The following KCNMA1 variants were observed in gnomAD, a reference collection of about 807,000 sequenced individuals.
KCNMA1 encodes the protein potassium calcium-activated channel subfamily M alpha 1.
A neutral mutation model predicts 140.0 loss-of-function variants in KCNMA1; 29 were observed. The observed-to-expected ratio is 0.21, with a 90% CI of 0.15 to 0.28. The LOEUF is 0.28. Among genes scored for constraint, KCNMA1 ranks in the 10% least tolerant of loss-of-function variants. KCNMA1 has a pLI of 1.00. For synonymous variants in KCNMA1, 612 were observed against 611.9 expected, an observed-to-expected ratio of 1.00 and a Z score of 0.00; for missense variants, 880 against 1,602.2, an observed-to-expected ratio of 0.55 and a Z score of 7.70.
intron 29 of KCNMA1, among the ~76,000 whole-genome samples, chr10:76,879,322 C>A (rs2033573484): frequency 6.6e-6 from 1 of 152,090 alleles, no homozygotes; most frequent in Non-Finnish European, 1.5e-5. Context: ...AACTTGCTGC[C>A]TCTTGCCTCG....
At chr10:77,164,522 C>CTT (rs113418170) in intron 5 of KCNMA1, among the ~76,000 whole-genome samples, 26 of 147,044 alleles carry the variant, frequency 1.8e-4, no homozygotes, top group Non-Finnish European at 2.7e-4. Context: ...ATTGATCTTT[C>CTT]TTTTTTTTTT....
chr10:76,995,367 A>C, intron 19 of KCNMA1: 1 of 353,924 alleles, frequency 2.8e-6, no homozygotes, highest in Non-Finnish European at 5.8e-6. Context: ...AAGGCGCTGC[A>C]AACTCCACAC....
chr10:77,563,858 C>T (rs779044983), intron 1 of KCNMA1, among the ~76,000 whole-genome samples: 1 of 152,212 alleles, frequency 6.6e-6, no homozygotes, highest in Non-Finnish European at 1.5e-5. Flanking sequence ...TCCCTGGTCC[C>T]GGCTCTGCCA....
At chr10:77,237,306 C>T (rs2055850241) in intron 3 of KCNMA1, among the ~76,000 whole-genome samples, 1 of 152,194 alleles carries the variant, frequency 6.6e-6, no homozygotes, top group Admixed American at 6.5e-5. Flanking sequence ...ACTTTCACCC[C>T]ATGTGACAAA....
intron 2 of KCNMA1, among the ~76,000 whole-genome samples, chr10:77,308,254 C>A (rs2078311844): frequency 6.6e-6 from 1 of 152,190 alleles, no homozygotes; most frequent in African/African-American, 2.4e-5. Context: ...CCCCAGGTGC[C>A]CAGAGATGGT....
intron 19 of KCNMA1, among the ~76,000 whole-genome samples, chr10:76,991,028 G>C (rs996075749): frequency 6.6e-6 from 1 of 152,076 alleles, no homozygotes; most frequent in South Asian, 2.1e-4. Context: ...TGCCTACCTC[G>C]AGTCAGAGTC....
intron 1 of KCNMA1, among the ~76,000 whole-genome samples, chr10:77,538,048 T>G (rs2059315088): frequency 6.6e-6 from 1 of 151,378 alleles, no homozygotes; most frequent in African/African-American, 2.4e-5. Context: ...ACTCTCATAT[T>G]CACATACTCT....
chr10:77,311,469 T>C (rs1466455294), intron 2 of KCNMA1, among the ~76,000 whole-genome samples: 9 of 152,214 alleles, frequency 5.9e-5, no homozygotes, highest in Non-Finnish European at 1.5e-5. Flanking sequence ...GGAGGAGGAA[T>C]GGCAGCAAGT....
chr10:77,386,292 C>G (rs1430674785), intron 2 of KCNMA1, among the ~76,000 whole-genome samples: 2 of 152,226 alleles, frequency 1.3e-5, no homozygotes, highest in East Asian at 3.9e-4. Context: ...TAGCCAAGTA[C>G]AACGAACCAT....
At chr10:77,184,039 A>G (rs150378191) in intron 4 of KCNMA1, among the ~76,000 whole-genome samples, 2 of 150,508 alleles carry the variant, frequency 1.3e-5, no homozygotes, top group African/African-American at 2.4e-5. Flanking sequence ...ATATAACTAT[A>G]AATAAAGCAC....
intron 2 of KCNMA1, among the ~76,000 whole-genome samples, chr10:77,387,124 CA>C (rs572112801): frequency 6.6e-4 from 101 of 152,274 alleles, no homozygotes; most frequent in Admixed American, 1.2e-3. Flanking sequence ...ACATAACAAA[CA>C]GGAAAATTGT....
At chr10:77,228,393 A>T (rs1211252962) in intron 3 of KCNMA1, among the ~76,000 whole-genome samples, 1 of 152,200 alleles carries the variant, frequency 6.6e-6, no homozygotes. Context: ...AGATGGAAAA[A>T]TGAGATTTTC....
chr10:77,354,104 A>G (rs545254609), intron 2 of KCNMA1, among the ~76,000 whole-genome samples: 1 of 152,214 alleles, frequency 6.6e-6, no homozygotes, highest in East Asian at 1.9e-4. Flanking sequence ...CTCCTGCCTC[A>G]GCCTCCCAAG....
At chr10:77,512,493 T>C (rs1226743353) in intron 1 of KCNMA1, among the ~76,000 whole-genome samples, 1 of 152,212 alleles carries the variant, frequency 6.6e-6, no homozygotes, top group Non-Finnish European at 1.5e-5. Flanking sequence ...CAGATATGCC[T>C]GTGTAGGAGA....
At chr10:77,012,781 AAGG>A (rs1421610762) in intron 17 of KCNMA1, among the ~76,000 whole-genome samples, 1 of 152,206 alleles carries the variant, frequency 6.6e-6, no homozygotes, top group Non-Finnish European at 1.5e-5. Flanking sequence ...AGGTAGGTAG[AAGG>A]AGAATGAGAT....
At chr10:77,499,422 T>TATATATATATATATATACAC (rs1390141467) in intron 1 of KCNMA1, among the ~76,000 whole-genome samples, 1 of 105,586 alleles carries the variant, frequency 9.5e-6, no homozygotes, top group South Asian at 3.1e-4. Flanking sequence ...TATATATATA[T>TATATATATATATATATACAC]ACACACACAC....
rs72807566 is a variant in KCNMA1 at position 77,440,021 on chromosome 10, G to A, written c.379-35998C>T. ...CTATGAAAGGCCTTGGGGCCAGGGC[G>A]GGGGCTGGGAGTGCTGGACTCTCAA... is the stretch of plus-strand genomic sequence containing the variant. On this transcript the variant is annotated intron_variant, in intron 1 of 27. Coordinates refer to ENST00000286628, the MANE Select transcript of KCNMA1 (RefSeq NM_001161352.2). 2.7e-4 allele frequency among the ~76,000 whole-genome samples: 41 copies of A among 152,252 alleles called. 2 individuals are homozygous for A. In the South Asian group the frequency reaches 6.9e-3, roughly 25 times the overall value.
At chr10:76,946,239 A>ATG (rs1403991920) in intron 22 of KCNMA1, among the ~76,000 whole-genome samples, 9 of 152,140 alleles carry the variant, frequency 5.9e-5, no homozygotes, top group African/African-American at 2.2e-4. Context: ...ACCCCATGCC[A>ATG]TAGCTCCCCA....
intron 20 of KCNMA1, among the ~76,000 whole-genome samples, chr10:76,957,105 G>C (rs953252088): frequency 3.9e-5 from 5 of 129,226 alleles, no homozygotes; most frequent in Non-Finnish European, 7.8e-5. Flanking sequence ...TCCAGCCTGG[G>C]CAACAGAGCG....
Sources: gnomAD v4.1 joint callset for allele counts (sites outside exome capture counted in the v4.1 genomes callset) on GRCh38, gnomAD v4.1.1 for gene constraint, MANE v1.5 for transcripts, NCBI Gene and HGNC (gene_info 2026-07-23, HGNC 2026-07-21) for gene names.